ATXN1: variants seen among roughly 807,000 people sequenced by gnomAD.
ATXN1 encodes ataxin-1.
A neutral mutation model predicts 56.4 loss-of-function variants in ATXN1; 8 were observed. That is an observed-to-expected ratio of 0.14 (90% CI 0.08 to 0.26). ATXN1 has a LOEUF of 0.26. ATXN1 is among the 10% of genes least tolerant of loss of function. ATXN1 has a pLI of 1.00. For missense variants in ATXN1, 987 were observed against 1,106.5 expected (o/e 0.89, Z 1.53); for synonymous variants, 514 against 494.6 (o/e 1.04, Z -0.52).
chr6:16,635,293 A>G (rs550343201), intron 3 of ATXN1, among the ~76,000 whole-genome samples: 1 of 152,334 alleles, frequency 6.6e-6, no homozygotes, highest in African/African-American at 2.4e-5. Flanking sequence ...ATTCTACATT[A>G]TGGTGAGTTG....
In ATXN1 at chr6:16,328,335, G is replaced by A. The variant is rs1252628225; in HGVS notation, c.-25C>T. 4 of 1,494,214 alleles carry A rather than the reference G, an allele frequency of 2.7e-6. No individual in the cohort carries two copies. The highest frequency in any genetic ancestry group is 1.3e-5 in the South Asian group (1 of 74,198). The allele number at this position is 1,494,214 out of a possible 1,614,324, so 92.6% of individuals were successfully genotyped here. A position where few individuals can be genotyped will look rare whatever the true frequency, so the allele number is the denominator to read the frequency against. On this transcript the variant is annotated 5_prime_UTR_variant, in exon 7 of 8. Coordinates refer to ENST00000436367, the MANE Select transcript of ATXN1 (RefSeq NM_001128164.2). This position sits in a 1 kb window ranked among gnomAD's most constrained non-coding sequence, Gnocchi z 6.2. ...TTTTTCGCCGTCCCCCCTCCACGGT[G>A]ACTGTTTCACTGTCTGGATGGCTCT...
intron 4 of ATXN1, among the ~76,000 whole-genome samples, chr6:16,530,045 T>C (rs976895392): frequency 6.6e-6 from 1 of 152,216 alleles, no homozygotes; most frequent in Admixed American, 6.5e-5. Context: ...CCAAAATTTG[T>C]CTAAAATTGA....
chr6:16,665,280 TTG>T (rs1299828415), intron 2 of ATXN1, among the ~76,000 whole-genome samples: 9 of 152,212 alleles, frequency 5.9e-5, no homozygotes, highest in African/African-American at 2.2e-4. Flanking sequence ...TTAGTCTATC[TTG>T]AACTTTGGAT....
At chr6:16,366,151 A>C (rs1158023392) in intron 6 of ATXN1, among the ~76,000 whole-genome samples, 1 of 152,202 alleles carries the variant, frequency 6.6e-6, no homozygotes, top group Non-Finnish European at 1.5e-5. Flanking sequence ...GATATATGGA[A>C]AAGGGGACCT....
At chr6:16,745,964 G>C (rs1207631407) in intron 2 of ATXN1, among the ~76,000 whole-genome samples, 1 of 150,630 alleles carries the variant, frequency 6.6e-6, no homozygotes, top group Non-Finnish European at 1.5e-5. Flanking sequence ...GTGTGTGTGT[G>C]TGTGTGTGTC....
intron 2 of ATXN1, chr6:16,667,027 T>G (rs1758443328): frequency 6.6e-6 from 1 of 152,168 alleles, no homozygotes; most frequent in Non-Finnish European, 1.5e-5. Flanking sequence ...TATCTTTGGG[T>G]GTTAATGGAC....
chr6:16,383,318 C>G (rs1364152500), intron 6 of ATXN1, among the ~76,000 whole-genome samples: 1 of 152,176 alleles, frequency 6.6e-6, no homozygotes, highest in African/African-American at 2.4e-5. Flanking sequence ...TGGGAATACT[C>G]TGTCATACCA....
At chr6:16,682,305 T>C (rs1581361229) in intron 2 of ATXN1, among the ~76,000 whole-genome samples, 1 of 151,306 alleles carries the variant, frequency 6.6e-6, no homozygotes, top group African/African-American at 2.4e-5. Context: ...CAAGTGATTC[T>C]CGTGCCTCAG....
chr6:16,420,966 G>A (rs1759020471), intron 6 of ATXN1, among the ~76,000 whole-genome samples: 1 of 152,136 alleles, frequency 6.6e-6, no homozygotes, highest in Non-Finnish European at 1.5e-5. Context: ...TTCCCCATCT[G>A]ACCCTGACTT....
At position 16,326,563 on chromosome 6, in the gene ATXN1, G is replaced by C; in HGVS notation, c.1748C>G (p.Ala583Gly). The change falls in exon 7 of 8, where the codon GCC (alanine) becomes GGC (glycine). Residue 583 changes from alanine (A) to glycine (G), a missense_variant. Physicochemically the swap from Ala to Gly is moderately conservative, Grantham distance 60 (BLOSUM62 0). Around this residue, in one of 3 missense-constraint regions of ATXN1, gnomAD observed 68 missense variants for 118.1 expected, o/e 0.58. Coordinates refer to ENST00000436367, the MANE Select transcript of ATXN1 (RefSeq NM_001128164.2). This position sits in a 1 kb window ranked among gnomAD's most constrained non-coding sequence, Gnocchi z 6.6. Reference protein sequence around the residue: ...YFMKGSIIQLANGELKKVEDL... With the variant: ...YFMKGSIIQLGNGELKKVEDL... ...TTCCACCTTCTTTAGCTCCCCGTTGGCCAACTGGATGATGGAGCCTTTCAT... is the reference window on the plus strand; with the variant it reads ...TTCCACCTTCTTTAGCTCCCCGTTGCCCAACTGGATGATGGAGCCTTTCAT... 2 of 1,614,142 alleles carry C rather than the reference G, an allele frequency of 1.2e-6. No homozygotes were observed. Among genetic ancestry groups the C allele is most frequent in the Non-Finnish European group, 1.7e-6 (2 of 1,180,032 alleles).
intron 4 of ATXN1, among the ~76,000 whole-genome samples, chr6:16,583,420 C>A (rs1762561882): frequency 6.6e-6 from 1 of 152,230 alleles, no homozygotes; most frequent in Admixed American, 6.5e-5. Flanking sequence ...CTACAGCCTT[C>A]CCCTTCATGC....
At chr6:16,438,857 C>T (rs1759445839) in intron 6 of ATXN1, among the ~76,000 whole-genome samples, 2 of 152,114 alleles carry the variant, frequency 1.3e-5, no homozygotes, top group South Asian at 2.1e-4. Context: ...AGCCAGTACA[C>T]GGGAGGTACT....
intron 6 of ATXN1, among the ~76,000 whole-genome samples, chr6:16,411,228 T>C (rs1758793368): frequency 6.6e-6 from 1 of 151,974 alleles, no homozygotes; most frequent in South Asian, 2.1e-4. Flanking sequence ...TATTAGTCTG[T>C]TCTCTTCAGG....
intron 6 of ATXN1, among the ~76,000 whole-genome samples, chr6:16,402,351 G>A (rs1758594711): frequency 7.6e-6 from 1 of 131,782 alleles, no homozygotes; most frequent in Non-Finnish European, 1.6e-5. Flanking sequence ...ATTATTGACT[G>A]TTCTCCTTCC....
At chr6:16,342,517 C>T (rs1032527843) in intron 6 of ATXN1, among the ~76,000 whole-genome samples, 5 of 152,290 alleles carry the variant, frequency 3.3e-5, no homozygotes, top group African/African-American at 1.2e-4. Flanking sequence ...AATTCCACGT[C>T]TGGATATCTA....
chr6:16,718,513 G>A (rs17670414), intron 2 of ATXN1, among the ~76,000 whole-genome samples: 2,427 of 152,314 alleles, frequency 0.016, 44 homozygotes, highest in Middle Eastern at 0.031. Flanking sequence ...GAAGAACCAA[G>A]GGAGTAAGGA....
intron 2 of ATXN1, among the ~76,000 whole-genome samples, chr6:16,715,431 C>T (rs1213062455): frequency 1.3e-5 from 2 of 152,208 alleles, no homozygotes; most frequent in Non-Finnish European, 2.9e-5. Context: ...TTCATGACTA[C>T]TGCCATCAAC....
chr6:16,506,878 T>C lies in ATXN1; in HGVS notation c.-299+15749A>G, dbSNP rs1162574105. Among the ~76,000 whole-genome samples the C allele has an allele frequency of 6.6e-6, 1 of 152,188 alleles. No homozygotes were observed. The highest frequency in any genetic ancestry group is 6.6e-5 in the Admixed American group (1 of 15,264). ...GATAACATCATTCAACGCCATGTAA[T>C]GAGTTGACACCACTGAAATAAACCA... On this transcript the variant is annotated intron_variant, in intron 5 of 7. Coordinates refer to ENST00000436367, the MANE Select transcript of ATXN1 (RefSeq NM_001128164.2). This position sits in a 1 kb window ranked among gnomAD's most constrained non-coding sequence, Gnocchi z 4.1.
At chr6:16,536,506 G>A (rs1386460910) in intron 4 of ATXN1, among the ~76,000 whole-genome samples, 1 of 152,152 alleles carries the variant, frequency 6.6e-6, no homozygotes, top group Non-Finnish European at 1.5e-5. Flanking sequence ...ATGTTGGGGG[G>A]AAAGTCTCTC....
Sources: allele counts gnomAD v4.1 joint callset (sites outside exome capture counted in the v4.1 genomes callset), GRCh38; gene constraint gnomAD v4.1.1; regional missense constraint gnomAD v4.1.1; non-coding constraint Gnocchi (gnomAD v3.1); transcripts MANE v1.5; gene names NCBI Gene and HGNC (gene_info 2026-07-23, HGNC 2026-07-21).